The following NUP153 variants were observed in gnomAD, a reference collection of about 807,000 sequenced individuals.
NUP153 encodes nuclear pore complex protein Nup153.
NUP153 carries 27 observed loss-of-function variants against 134.6 expected under a neutral mutation model. That is an observed-to-expected ratio of 0.20 (90% confidence interval 0.15 to 0.28). The LOEUF (loss-of-function observed/expected upper bound fraction) is 0.28, where lower values mean the gene tolerates loss of function less well. Among genes scored for constraint, NUP153 ranks in the 10% least tolerant of loss-of-function variants. The probability of loss-of-function intolerance (pLI) is 1.00; values close to 1 mark genes in which losing one functional copy is unlikely to be tolerated. For synonymous variants in NUP153, 640 were observed against 623.5 expected, an observed-to-expected ratio of 1.03 and a Z score of -0.40; for missense variants, 1,821 against 1,731.3, an observed-to-expected ratio of 1.05 and a Z score of -0.92.
chr6:17,670,181 A>AC (rs1767814486), intron 5 of NUP153, among the ~76,000 whole-genome samples: 1 of 151,662 alleles, frequency 6.6e-6, no homozygotes, highest in Non-Finnish European at 1.5e-5. Context: ...CATTCTGTTA[A>AC]CCCCTTCGGT....
chr6:17,620,277 G>A (rs951288353), intron 20 of NUP153, among the ~76,000 whole-genome samples: 7 of 152,150 alleles, frequency 4.6e-5, no homozygotes, highest in Middle Eastern at 3.4e-3. Flanking sequence ...ATAGCTATAT[G>A]AGACTGGTAT....
rs555876606 is a variant in NUP153, at chr6:17,668,281, T to C, written c.1068+694A>G. ...TTTTAGTAGAGACAGGGTTTCACCATGTTGTCCAGGCTGGTTTTGAACTCC... is the reference window on the plus strand; with the variant it reads ...TTTTAGTAGAGACAGGGTTTCACCACGTTGTCCAGGCTGGTTTTGAACTCC... On this transcript the variant is annotated intron_variant, in intron 8 of 21. Transcript: ENST00000262077. 1.4e-4 allele frequency among the ~76,000 whole-genome samples: 21 copies of C among 151,992 alleles called. No homozygotes were observed. The East Asian group carries it at 3.1e-3, about 23-fold the overall frequency.
chr6:17,702,545 G>A (rs932562776), intron 1 of NUP153, among the ~76,000 whole-genome samples: 2 of 150,680 alleles, frequency 1.3e-5, no homozygotes, highest in Non-Finnish European at 3.0e-5. Flanking sequence ...TTGTGGTGGC[G>A]CATGCCTGTA....
Position 17,644,993 on chromosome 6 carries a change from G to A in NUP153, c.1720+1074C>T, listed in dbSNP as rs1322370824. Among the ~76,000 whole-genome samples, 5 of 152,172 alleles carry A rather than the reference G, an allele frequency of 3.3e-5. No individual in the cohort carries two copies. The East Asian group carries it at 9.7e-4, about 30-fold the overall frequency. On this transcript the variant is annotated intron_variant, in intron 14 of 21. Coordinates refer to ENST00000262077, the MANE Select transcript of NUP153 (RefSeq NM_005124.4). ...GCCAGCTACTCGGGAGGTTGAGGAG[G>A]AGAATGGCATGAACCTGGGAGGCGG...
intron 20 of NUP153, among the ~76,000 whole-genome samples, chr6:17,618,588 T>C (rs1303026983): frequency 1.4e-5 from 2 of 145,778 alleles, no homozygotes; most frequent in Non-Finnish European, 3.0e-5. Flanking sequence ...TTTTTAAAGA[T>C]GGAGTCTGGC....
chr6:17,672,735 T>G (rs945344235), intron 5 of NUP153, among the ~76,000 whole-genome samples: 1 of 151,974 alleles, frequency 6.6e-6, no homozygotes, highest in Non-Finnish European at 1.5e-5. Flanking sequence ...TCTCAGAACT[T>G]TGGGAGGCTG....
intron 8 of NUP153, 87 bp downstream of exon 8, chr6:17,668,887 TA>T: frequency 1.1e-6 from 1 of 916,070 alleles, no homozygotes; most frequent in Non-Finnish European, 1.7e-6. Context: ...CCCTAATGTC[TA>T]AACTAAATCC....
chr6:17,649,055 A>T, intron 12 of NUP153, 108 bp downstream of exon 12: 1 of 1,018,898 alleles, frequency 9.8e-7, no homozygotes, highest in Admixed American at 3.0e-5. Context: ...TTACTATGTT[A>T]TTAATTTCCA....
intron 2 of NUP153, among the ~76,000 whole-genome samples, chr6:17,681,207 G>C (rs1364292961): frequency 7.2e-6 from 1 of 138,710 alleles, no homozygotes; most frequent in Non-Finnish European, 1.6e-5. Context: ...AAATGTGACA[G>C]CTTTAAAAAA....
chr6:17,653,624 A>G (rs1766633397), intron 11 of NUP153, among the ~76,000 whole-genome samples: 1 of 152,222 alleles, frequency 6.6e-6, no homozygotes, highest in Admixed American at 6.5e-5. Flanking sequence ...CTTTACTCAC[A>G]ATAGCCAGGG....
At chr6:17,689,407 A>C (rs1485952975) in intron 1 of NUP153, among the ~76,000 whole-genome samples, 1 of 149,810 alleles carries the variant, frequency 6.7e-6, no homozygotes, top group East Asian at 2.1e-4. Context: ...AACAAAACAA[A>C]TAAACAAACA....
chr6:17,666,871 A>C lies in NUP153; in HGVS notation c.1069-1486T>G, dbSNP rs188220913. On this transcript the variant is annotated intron_variant, in intron 8 of 21. Coordinates refer to ENST00000262077, the MANE Select transcript of NUP153 (RefSeq NM_005124.4). ...GCAGCTGTGAACAACATTGGTTTCC[A>C]GGGCAAAGCCTCTGTATGGTTACTA... 1.4e-3 allele frequency among the ~76,000 whole-genome samples: 214 copies of C among 152,362 alleles called. 2 individuals carry two copies. The highest frequency in any genetic ancestry group is 2.7e-3 in the Admixed American group (41 of 15,302).
At chr6:17,640,441 A>C (rs1173823017) in intron 14 of NUP153, among the ~76,000 whole-genome samples, 1 of 152,222 alleles carries the variant, frequency 6.6e-6, no homozygotes, top group African/African-American at 2.4e-5. Flanking sequence ...TAATCAAAAA[A>C]AGTAATTTTC....
At chr6:17,670,474 T>C (rs932367951) in intron 5 of NUP153, among the ~76,000 whole-genome samples, 4 of 152,228 alleles carry the variant, frequency 2.6e-5, no homozygotes. Flanking sequence ...AAGCATGTTA[T>C]CTGTGTACAG....
chr6:17,699,090 T>C (rs1769868337), intron 1 of NUP153, among the ~76,000 whole-genome samples: 1 of 152,126 alleles, frequency 6.6e-6, no homozygotes, highest in African/African-American at 2.4e-5. Context: ...TGACAGTAAA[T>C]GGTATGTGTC....
In NUP153 at chr6:17,629,082, T is replaced by A. The variant is rs183383690; in HGVS notation, c.3117A>T (p.Ile1039=). Residue 1039 remains isoleucine, a synonymous_variant, in exon 18 of 22, where the codon ATA becomes ATT. Transcript: ENST00000262077. ...AGCTGCTCTTGTTCTCAGAGGTCAC[T>A]ATGGTGTTAGCAGGAGCAGGGGTGG... is the stretch of plus-strand genomic sequence containing the variant. ...INSTPAPANT[I]VTSENKSSFN... 1 of 1,614,190 alleles carries A rather than the reference T, an allele frequency of 6.2e-7. No homozygotes were observed. The highest frequency in any genetic ancestry group is 2.2e-5 in the East Asian group (1 of 44,892).
chr6:17,654,051 A>G (rs1022830730), intron 11 of NUP153, among the ~76,000 whole-genome samples: 1 of 152,218 alleles, frequency 6.6e-6, no homozygotes, highest in East Asian at 1.9e-4. Context: ...GATAAAGCAA[A>G]TGTAACACAA....
At chr6:17,630,496 C>T (rs542423222) in intron 17 of NUP153, among the ~76,000 whole-genome samples, 2 of 152,114 alleles carry the variant, frequency 1.3e-5, no homozygotes, top group South Asian at 2.1e-4. Flanking sequence ...CCCATCTCTA[C>T]TAAAAATACA....
At chr6:17,640,151 T>G (rs1581688781) in intron 14 of NUP153, 87 bp from the exon 15 acceptor site, 1 of 997,612 alleles carries the variant, frequency 1.0e-6, no homozygotes, top group East Asian at 2.8e-5. Context: ...AAAACCATCT[T>G]TTGGATTAAT....
Sources: gnomAD v4.1 joint callset for allele counts (sites outside exome capture counted in the v4.1 genomes callset) on GRCh38, gnomAD v4.1.1 for gene constraint, MANE v1.5 for transcripts, NCBI Gene and HGNC (gene_info 2026-07-23, HGNC 2026-07-21) for gene names.